Variants in ATP2B2 observed in about 807,000 individuals in gnomAD.
ATP2B2 encodes ATPase plasma membrane Ca2+ transporting 2.
Under a neutral mutation model 120.0 loss-of-function variants are expected in ATP2B2, and 15 were observed. That is an observed-to-expected ratio of 0.12 (90% CI 0.08 to 0.19). The LOEUF (loss-of-function observed/expected upper bound fraction) is 0.19. ATP2B2 is among the 10% of genes least tolerant of loss of function. The pLI, the probability that ATP2B2 is intolerant of heterozygous loss-of-function variation, is 1.00. For missense variants in ATP2B2, 1,045 were observed against 1,719.8 expected, an observed-to-expected ratio of 0.61 and a Z score of 6.94; for synonymous variants, 694 against 700.3, an observed-to-expected ratio of 0.99 and a Z score of 0.14.
chr3:10,579,561 C>A lies in ATP2B2; in HGVS notation c.-415+40356G>T, dbSNP rs192596815. The stretch of plus-strand genomic sequence containing the variant: ...TGGTGGTGCACACCTGTAACTCCAG[C>A]ACTTTGGGAGGTCGAGGCGGGCAGA... On this transcript the variant is annotated intron_variant, in intron 2 of 21. Transcript: ENST00000646379. Among the ~76,000 whole-genome samples, 11 of 152,332 alleles carry A rather than the reference C, an allele frequency of 7.2e-5. No individual in the cohort carries two copies. The East Asian group carries it at 2.1e-3, about 29-fold the overall frequency.
intron 1 of ATP2B2, among the ~76,000 whole-genome samples, chr3:10,667,732 C>T (rs1371834230): frequency 6.6e-6 from 1 of 151,862 alleles, no homozygotes; most frequent in Non-Finnish European, 1.5e-5. Context: ...CCTTCAACCC[C>T]AGATCCAGCA....
At chr3:10,552,274 G>A (rs933967690) in intron 2 of ATP2B2, among the ~76,000 whole-genome samples, 1 of 152,208 alleles carries the variant, frequency 6.6e-6, no homozygotes, top group African/African-American at 2.4e-5. Flanking sequence ...AAAGAAAAGG[G>A]GAAGAGGGGG....
chr3:10,556,625 AC>A (rs1315499502), intron 2 of ATP2B2, among the ~76,000 whole-genome samples: 1 of 152,152 alleles, frequency 6.6e-6, no homozygotes, highest in African/African-American at 2.4e-5. Context: ...CAAGGGCGAA[AC>A]CCCTGAAGGT....
intron 2 of ATP2B2, among the ~76,000 whole-genome samples, chr3:10,601,057 G>A (rs1265411454): frequency 2.0e-5 from 3 of 152,198 alleles, no homozygotes; most frequent in Non-Finnish European, 2.9e-5. Flanking sequence ...GGAGACCCCT[G>A]TGGGTCTGTG....
chr3:10,669,210 G>C (rs1409809166), intron 1 of ATP2B2, among the ~76,000 whole-genome samples: 1 of 152,148 alleles, frequency 6.6e-6, no homozygotes, highest in African/African-American at 2.4e-5. Flanking sequence ...GGGACCCCAG[G>C]CAGGACATGA....
intron 5 of ATP2B2, among the ~76,000 whole-genome samples, chr3:10,389,266 A>C (rs2061775025): frequency 6.6e-6 from 1 of 152,180 alleles, no homozygotes; most frequent in Non-Finnish European, 1.5e-5. Context: ...CTATTGTTTC[A>C]TGAGAGAGCC....
At chr3:10,519,795 C>G (rs938905376) in intron 3 of ATP2B2, among the ~76,000 whole-genome samples, 1 of 152,224 alleles carries the variant, frequency 6.6e-6, no homozygotes. Flanking sequence ...CTTGTTCATT[C>G]AACAAACATT....
chr3:10,653,091 T>C (rs935798013), intron 1 of ATP2B2, among the ~76,000 whole-genome samples: 1 of 152,242 alleles, frequency 6.6e-6, no homozygotes, highest in Non-Finnish European at 1.5e-5. Context: ...TGGTACATTT[T>C]ATGTTATGTG....
chr3:10,666,264 G>A (rs932087603), intron 1 of ATP2B2, among the ~76,000 whole-genome samples: 5 of 152,164 alleles, frequency 3.3e-5, no homozygotes, highest in Non-Finnish European at 5.9e-5. Flanking sequence ...TGGCCACAAC[G>A]GAGAGAGATG....
At chr3:10,538,948 A>C (rs890362142) in intron 2 of ATP2B2, among the ~76,000 whole-genome samples, 22 of 152,366 alleles carry the variant, frequency 1.4e-4, no homozygotes, top group Admixed American at 9.1e-4. Flanking sequence ...CCCTGTTTGC[A>C]GATGACATGG....
intron 1 of ATP2B2, among the ~76,000 whole-genome samples, chr3:10,469,396 G>T (rs1329960624): frequency 6.6e-6 from 1 of 152,226 alleles, no homozygotes; most frequent in Non-Finnish European, 1.5e-5. Flanking sequence ...AGCTGGGATG[G>T]ATACTCAATA....
intron 2 of ATP2B2, among the ~76,000 whole-genome samples, chr3:10,611,224 T>A (rs1310052910): frequency 6.6e-6 from 1 of 152,114 alleles, no homozygotes; most frequent in Admixed American, 6.5e-5. Context: ...TCTCCCCACA[T>A]GTTGTTTTAG....
At chr3:10,692,654 G>T (rs2071685015) in intron 1 of ATP2B2, among the ~76,000 whole-genome samples, 1 of 152,202 alleles carries the variant, frequency 6.6e-6, no homozygotes, top group South Asian at 2.1e-4. Context: ...CCTCCAGGAT[G>T]TGGGTTCCCG....
At chr3:10,596,653 G>A (rs1401398444) in intron 2 of ATP2B2, among the ~76,000 whole-genome samples, 1 of 152,244 alleles carries the variant, frequency 6.6e-6, no homozygotes, top group East Asian at 1.9e-4. Flanking sequence ...GTCCCAGACA[G>A]GATTGTGAAT....
At position 10,486,330 on chromosome 3, in the gene ATP2B2, T is replaced by TGCGTGTGTGC. The variant is rs138585062; in HGVS notation, c.-320+19134_-320+19135insGCACACACGC. Reference sequence around the variant, plus strand: ...AGCCAGGTGTGTGTGCGTGCGTGTGTGTGTGTGTGTGTGTGTGTGTGTGTG... The same window carrying TGCGTGTGTGC: ...AGCCAGGTGTGTGTGCGTGCGTGTGTGCGTGTGTGCGTGTGTGTGTGTGTGTGTGTGTGTG... On this transcript the variant is annotated intron_variant, in intron 1 of 22. Transcript: ENST00000360273. Among the ~76,000 whole-genome samples, 502 of 149,126 alleles carry TGCGTGTGTGC rather than the reference T, an allele frequency of 3.4e-3. 2 individuals carry two copies. Among genetic ancestry groups the TGCGTGTGTGC allele is most frequent in the Middle Eastern group, 0.017 (5 of 294 alleles).
upstream of ATP2B2, among the ~76,000 whole-genome samples, chr3:10,509,503 G>T (rs551023368): frequency 7.2e-5 from 11 of 152,314 alleles, no homozygotes; most frequent in African/African-American, 2.6e-4. Flanking sequence ...TTACAGAAAA[G>T]AAAATTGAGA....
intron 2 of ATP2B2, among the ~76,000 whole-genome samples, chr3:10,578,528 CAGAG>C (rs754930821): frequency 2.7e-5 from 4 of 146,074 alleles, no homozygotes; most frequent in South Asian, 2.3e-4. Flanking sequence ...GCCTGGGTGA[CAGAG>C]AGAGAGTCCA....
At chr3:10,545,809 G>A (rs917399787) in intron 2 of ATP2B2, among the ~76,000 whole-genome samples, 1 of 152,090 alleles carries the variant, frequency 6.6e-6, no homozygotes, top group Non-Finnish European at 1.5e-5. Flanking sequence ...CATTACTGAG[G>A]AGTCATAGGA....
intron 22 of ATP2B2, among the ~76,000 whole-genome samples, 196 bp downstream of exon 22, chr3:10,337,980 T>C (rs563097448): frequency 6.6e-6 from 1 of 152,268 alleles, no homozygotes; most frequent in South Asian, 2.1e-4. Context: ...GGGACCTCTC[T>C]GAGGAGGCCG....
Sources: gnomAD v4.1 joint callset for allele counts (sites outside exome capture counted in the v4.1 genomes callset) on GRCh38, gnomAD v4.1.1 for gene constraint, MANE v1.5 for transcripts, NCBI Gene and HGNC (gene_info 2026-07-23, HGNC 2026-07-21) for gene names.